Variants in PACSIN2 observed in about 807,000 individuals in gnomAD.
PACSIN2 encodes protein kinase C and casein kinase substrate in neurons protein 2.
A neutral mutation model predicts 63.8 loss-of-function variants in PACSIN2; 25 were observed. That is an observed-to-expected ratio of 0.39 (90% CI 0.29 to 0.55). The LOEUF is 0.55. Ranked by LOEUF, PACSIN2 falls within the 20% of genes least tolerant of loss-of-function variation. PACSIN2 has a pLI of 0.62. For synonymous variants in PACSIN2, 255 were observed against 256.2 expected (o/e 1.00, Z 0.05); for missense variants, 518 against 646.9 (o/e 0.80, Z 2.16).
At chr22:42,878,232 A>T (rs1928795966) in intron 8 of PACSIN2, among the ~76,000 whole-genome samples, 1 of 152,164 alleles carries the variant, frequency 6.6e-6, no homozygotes, top group Non-Finnish European at 1.5e-5. Context: ...TGCTGGCCTG[A>T]TCCCTGGGAC....
intron 1 of PACSIN2, among the ~76,000 whole-genome samples, chr22:42,996,227 A>AT (rs940690782): frequency 2.1e-4 from 32 of 151,000 alleles, no homozygotes; most frequent in South Asian, 1.3e-3. Context: ...CTCAAAAAAA[A>AT]AATAATAAAA....
chr22:42,887,319 G>A (rs1288008681), intron 5 of PACSIN2, among the ~76,000 whole-genome samples: 7 of 152,228 alleles, frequency 4.6e-5, no homozygotes, highest in African/African-American at 1.7e-4. Flanking sequence ...TGGAGAAAGG[G>A]CATATGTATG....
At chr22:42,935,127 G>C (rs1601544215) in intron 1 of PACSIN2, among the ~76,000 whole-genome samples, 1 of 147,792 alleles carries the variant, frequency 6.8e-6, no homozygotes, top group Non-Finnish European at 1.5e-5. Flanking sequence ...GGGTTTCACT[G>C]TTTTAGCCAG....
chr22:42,910,511 A>G (rs528977650), intron 2 of PACSIN2, among the ~76,000 whole-genome samples: 12 of 152,296 alleles, frequency 7.9e-5, no homozygotes, highest in African/African-American at 2.4e-4. Flanking sequence ...AGCGGGGGCA[A>G]AGGCAGTCCT....
At chr22:42,981,792 G>C (rs199789311) in intron 1 of PACSIN2, among the ~76,000 whole-genome samples, 1 of 110,690 alleles carries the variant, frequency 9.0e-6, no homozygotes, top group East Asian at 3.7e-4. Context: ...TCAGCCCCCC[G>C]CCCGGCCAGC....
intron 1 of PACSIN2, among the ~76,000 whole-genome samples, chr22:43,003,697 C>A (rs774359901): frequency 6.6e-6 from 1 of 152,346 alleles, no homozygotes; most frequent in East Asian, 1.9e-4. Flanking sequence ...GAAGACCTTT[C>A]GCAATTTTAC....
chr22:42,870,466 CAAAT>C lies in PACSIN2; in HGVS notation c.*887_*890del, dbSNP rs1481553727. On this transcript the variant is annotated 3_prime_UTR_variant, in exon 11 of 11. Coordinates refer to ENST00000263246, the MANE Select transcript of PACSIN2 (RefSeq NM_001184970.3). ...CGAGTGCTTTAGATTCTCTGAATATCAAATAATATATACAGATAGACACTGAGAC... is the reference window on the plus strand; with the variant it reads ...CGAGTGCTTTAGATTCTCTGAATATCAATATATACAGATAGACACTGAGAC... 2 of 152,166 alleles carry C rather than the reference CAAAT, an allele frequency of 1.3e-5. No individual in the cohort carries two copies. The highest frequency in any genetic ancestry group is 2.9e-5 in the Non-Finnish European group (2 of 68,022). 9.4% of individuals were successfully genotyped at this position (152,166 alleles called of 1,614,324 possible).
chr22:42,943,383 C>G (rs1298877873), intron 1 of PACSIN2, among the ~76,000 whole-genome samples: 1 of 152,046 alleles, frequency 6.6e-6, no homozygotes, highest in Non-Finnish European at 1.5e-5. Flanking sequence ...CTTTTGTTTT[C>G]TTGTCTAACT....
At chr22:42,893,370 G>A in intron 3 of PACSIN2, 87 bp downstream of exon 3, 1 of 1,346,420 alleles carries the variant, frequency 7.4e-7, no homozygotes, top group South Asian at 1.2e-5. Context: ...ACAGAAAACT[G>A]GCATAGAGAG....
At position 42,982,869 on chromosome 22, in the gene PACSIN2, T is replaced by TAAAAAAAAAAAAAAA. The variant is rs1252040629; in HGVS notation, c.-78+32137_-78+32151dup. On this transcript the variant is annotated intron_variant, in intron 1 of 10. Transcript: ENST00000263246. ...GCGAGAAACACCAAAGAATGATCAA[T>TAAAAAAAAAAAAAAA]AAAAAAAAAAAAAAAAAAAAACAAC... Among the ~76,000 whole-genome samples the TAAAAAAAAAAAAAAA allele has an allele frequency of 1.8e-3, 80 of 43,916 alleles. 1 individual carries two copies. The highest frequency in any genetic ancestry group is 2.4e-3 in the African/African-American group (35 of 14,612). 28.8% of individuals were successfully genotyped at this position (43,916 alleles called of 152,430 possible).
chr22:43,005,240 T>C (rs1924019467), intron 1 of PACSIN2, among the ~76,000 whole-genome samples: 1 of 152,228 alleles, frequency 6.6e-6, no homozygotes, highest in Admixed American at 6.5e-5. Context: ...TAAGCTATCA[T>C]TACCAGTACT....
intron 1 of PACSIN2, among the ~76,000 whole-genome samples, chr22:42,947,681 G>T (rs547502040): frequency 6.5e-5 from 9 of 137,716 alleles, no homozygotes; most frequent in East Asian, 5.3e-4. Flanking sequence ...GGGGTGGGGG[G>T]GGGGACCTCT....
intron 1 of PACSIN2, among the ~76,000 whole-genome samples, chr22:42,989,791 ACT>A (rs1286447845): frequency 3.3e-5 from 5 of 150,728 alleles, no homozygotes; most frequent in East Asian, 3.9e-4. Flanking sequence ...ACACAGTGAG[ACT>A]CTGTCTCAAA....
At position 42,871,121 on chromosome 22, in the gene PACSIN2, G is replaced by A. The variant is rs1252898342; in HGVS notation, c.*236C>T. On this transcript the variant is annotated 3_prime_UTR_variant, in exon 11 of 11. Coordinates refer to ENST00000263246, the MANE Select transcript of PACSIN2 (RefSeq NM_001184970.3). The surrounding 1 kb of genome is among the most constrained non-coding windows in gnomAD (Gnocchi z 5.4). ...TAGGCCAACAGGCACAGTGGGCGGGGAGGGGCGGCTATTTCTGTTGTTCTG... is the reference window on the plus strand; with the variant it reads ...TAGGCCAACAGGCACAGTGGGCGGGAAGGGGCGGCTATTTCTGTTGTTCTG... 1 of 564,512 alleles carries A rather than the reference G, an allele frequency of 1.8e-6. No homozygotes were observed. The highest frequency in any genetic ancestry group is 3.0e-5 in the East Asian group (1 of 33,740). 35.0% of individuals were successfully genotyped at this position (564,512 alleles called of 1,614,324 possible). A position where few individuals can be genotyped will look rare whatever the true frequency, so the allele number is the denominator to read the frequency against.
At chr22:42,873,818 G>C (rs1928359933) in intron 10 of PACSIN2, among the ~76,000 whole-genome samples, 1 of 149,050 alleles carries the variant, frequency 6.7e-6, no homozygotes, top group African/African-American at 2.5e-5. Flanking sequence ...TTTTGAGACA[G>C]AGTGTCACTC....
intron 1 of PACSIN2, among the ~76,000 whole-genome samples, chr22:42,974,845 C>T (rs80131464): frequency 0.03 from 4,465 of 151,154 alleles, 222 homozygotes; most frequent in African/African-American, 0.1. Flanking sequence ...AGGAGGAGGA[C>T]GAGGAGAAGG....
At chr22:42,876,396 C>A in intron 9 of PACSIN2, 63 bp from the exon 10 acceptor site, 2 of 1,443,260 alleles carry the variant, frequency 1.4e-6, no homozygotes, top group Non-Finnish European at 1.9e-6. Context: ...GAGGCCCCCG[C>A]CCCGCAAGGG....
intron 1 of PACSIN2, among the ~76,000 whole-genome samples, chr22:42,951,648 C>T (rs1010838898): frequency 6.6e-6 from 1 of 152,214 alleles, no homozygotes; most frequent in Admixed American, 6.5e-5. Flanking sequence ...CCTCTCATGT[C>T]CACATAACAT....
chr22:42,905,103 CA>C (rs1322062747), intron 2 of PACSIN2, among the ~76,000 whole-genome samples: 37 of 152,204 alleles, frequency 2.4e-4, no homozygotes, highest in Admixed American at 4.6e-4. Context: ...CAGAAATGCA[CA>C]AAAAAAATTT....
Sources: gnomAD v4.1 joint callset for allele counts (sites outside exome capture counted in the v4.1 genomes callset) on GRCh38, gnomAD v4.1.1 for gene constraint, Gnocchi (gnomAD v3.1) non-coding constraint, MANE v1.5 for transcripts, NCBI Gene and HGNC (gene_info 2026-07-23, HGNC 2026-07-21) for gene names.